The following TRHDE variants were observed in gnomAD, a reference collection of about 807,000 sequenced individuals.
The protein encoded by TRHDE is thyrotropin-releasing hormone-degrading ectoenzyme.
A neutral mutation model predicts 125.7 loss-of-function variants in TRHDE; 72 were observed. The ratio of observed to expected loss-of-function variants is 0.57; its 90% confidence interval spans 0.47 to 0.70. The LOEUF (loss-of-function observed/expected upper bound fraction) is 0.70. Among genes scored for constraint, TRHDE ranks in the 30% least tolerant of loss-of-function variants. The probability of loss-of-function intolerance (pLI) is 0.00; values close to 1 mark genes in which losing one functional copy is unlikely to be tolerated. For missense variants in TRHDE, 1,110 were observed against 1,327.1 expected (o/e 0.84, Z 2.54); for synonymous variants, 509 against 509.1 (o/e 1.00, Z 0.00).
intron 2 of TRHDE, among the ~76,000 whole-genome samples, chr12:72,259,153 A>C (rs1878888103): frequency 1.3e-5 from 2 of 152,120 alleles, no homozygotes; most frequent in African/African-American, 2.4e-5. Flanking sequence ...ATTACTTGGC[A>C]TTCTAATTTA....
chr12:72,261,318 G>A (rs560023073), intron 2 of TRHDE, among the ~76,000 whole-genome samples: 1 of 152,208 alleles, frequency 6.6e-6, no homozygotes, highest in East Asian at 1.9e-4. Context: ...TTTTAGACTA[G>A]CTTTTGAGTA....
At chr12:72,473,026 GATTTT>G (rs748505022) in intron 4 of TRHDE, 36 bp from the exon 5 acceptor site, 7 of 1,427,460 alleles carry the variant, frequency 4.9e-6, no homozygotes, top group Non-Finnish European at 3.0e-6. Flanking sequence ...TTTGGGGATA[GATTTT>G]ATTTTATTTG....
upstream of TRHDE, chr12:72,271,888 T>G (rs1276480498): frequency 2.2e-6 from 1 of 456,352 alleles, no homozygotes; most frequent in Admixed American, 2.3e-5. Flanking sequence ...AGAGCAAGAC[T>G]GGAATGAGGG....
intron 12 of TRHDE, among the ~76,000 whole-genome samples, chr12:72,576,826 GACA>G (rs981840765): frequency 6.6e-6 from 1 of 152,038 alleles, no homozygotes; most frequent in Non-Finnish European, 1.5e-5. Flanking sequence ...CAAATCTAAG[GACA>G]ACTTATCAAC....
intron 2 of TRHDE, among the ~76,000 whole-genome samples, chr12:72,174,912 A>G (rs948684269): frequency 6.6e-6 from 1 of 152,228 alleles, no homozygotes; most frequent in Non-Finnish European, 1.5e-5. Flanking sequence ...CAAAGTAAAT[A>G]TCTTGTTTTA....
chr12:72,412,774 T>C (rs1873565956), intron 3 of TRHDE, among the ~76,000 whole-genome samples: 1 of 152,124 alleles, frequency 6.6e-6, no homozygotes, highest in South Asian at 2.1e-4. Context: ...TTTGAGCAGA[T>C]GTTGAAATTC....
chr12:72,623,708 T>C (rs745817203), intron 15 of TRHDE, among the ~76,000 whole-genome samples: 6 of 151,968 alleles, frequency 3.9e-5, no homozygotes, highest in Admixed American at 6.6e-5. Context: ...ATAAGTAAGA[T>C]TTAAGTGGAT....
chr12:72,253,294 A>G lies in TRHDE; in HGVS notation n.280-124701A>G, dbSNP rs1592501002. Reference sequence around the variant, plus strand: ...CCATGGGTTTACTAAATAGACAATCATGTCATCTGCACACAGGGACTATTT... The same window carrying G: ...CCATGGGTTTACTAAATAGACAATCGTGTCATCTGCACACAGGGACTATTT... On this transcript the variant is annotated intron_variant and non_coding_transcript_variant, in intron 2 of 4. Coordinates refer to the TRHDE transcript ENST00000548156. Among the ~76,000 whole-genome samples the G allele has an allele frequency of 2.0e-5, 3 of 152,230 alleles. No individual in the cohort carries two copies. The East Asian group carries it at 5.8e-4, about 29-fold the overall frequency.
chr12:72,199,701 C>T (rs1877517308), intron 2 of TRHDE, among the ~76,000 whole-genome samples: 1 of 152,148 alleles, frequency 6.6e-6, no homozygotes, highest in Admixed American at 6.5e-5. Context: ...GCCACTCCAG[C>T]AACTGAGATA....
intron 3 of TRHDE, among the ~76,000 whole-genome samples, chr12:72,446,933 G>A (rs1017949018): frequency 2.6e-5 from 4 of 151,792 alleles, no homozygotes; most frequent in East Asian, 1.9e-4. Context: ...TTTAACACCC[G>A]ACTGTCAACA....
chr12:72,197,340 A>G (rs1276251965), intron 2 of TRHDE, among the ~76,000 whole-genome samples: 2 of 152,060 alleles, frequency 1.3e-5, no homozygotes, highest in Non-Finnish European at 2.9e-5. Context: ...TAGCACCCAC[A>G]TTGCCATCCA....
intron 3 of TRHDE, among the ~76,000 whole-genome samples, chr12:72,457,253 A>C (rs1456491445): frequency 2.6e-5 from 4 of 152,178 alleles, no homozygotes; most frequent in Non-Finnish European, 4.4e-5. Flanking sequence ...AGTTCCCTTA[A>C]AGGCAAATTA....
rs182914785 is a variant in TRHDE at position 72,572,912 on chromosome 12, T to C, written c.2132-2343T>C. On this transcript the variant is annotated intron_variant, in intron 10 of 18. Coordinates refer to ENST00000261180, the MANE Select transcript of TRHDE (RefSeq NM_013381.3). ...AATAACTTTAAAAATATAGTTACTG[T>C]TACAGGAATGCATGACCATTTCAAA... is the stretch of plus-strand genomic sequence containing the variant. Among the ~76,000 whole-genome samples the C allele has an allele frequency of 2.5e-4, 38 of 152,142 alleles. 1 individual carries two copies. In the East Asian group the frequency reaches 7.1e-3, roughly 29 times the overall value.
rs776193944 is a variant in TRHDE at position 72,194,507 on chromosome 12, AT to A, written n.279+88756del. ...GCTGAGGTTTGGGGTACTGAGCATG[AT>A]ACCCAATAGTTTTTCAAATCTTTCC... On this transcript the variant is annotated intron_variant and non_coding_transcript_variant, in intron 2 of 4. Coordinates refer to the TRHDE transcript ENST00000548156. 1.5e-3 allele frequency among the ~76,000 whole-genome samples: 226 copies of A among 152,158 alleles called. 1 individual carries two copies. Among genetic ancestry groups the A allele is most frequent in the Non-Finnish European group, 2.8e-3 (192 of 67,972 alleles).
chr12:72,650,913 C>T (rs921747016), intron 15 of TRHDE, among the ~76,000 whole-genome samples: 1 of 151,976 alleles, frequency 6.6e-6, no homozygotes, highest in Non-Finnish European at 1.5e-5. Flanking sequence ...TCAGGGATGC[C>T]CTGTGTCAAG....
In TRHDE at chr12:72,670,127, A is replaced by G. The variant is rs1875213511; in HGVS notation, c.*6932A>G. Reference sequence around the variant, plus strand: ...TTTCCTAAATCCATTCCCCAAGTGAACAGGCTTATTTAAAATATGTCATAT... The same window carrying G: ...TTTCCTAAATCCATTCCCCAAGTGAGCAGGCTTATTTAAAATATGTCATAT... On this transcript the variant is annotated 3_prime_UTR_variant, in exon 19 of 19. Transcript: ENST00000261180. The G allele has an allele frequency of 6.6e-6, 1 of 151,782 alleles. No individual in the cohort carries two copies. The highest frequency in any genetic ancestry group is 6.6e-5 in the Admixed American group (1 of 15,162). The allele number at this position is 151,782 out of a possible 1,614,324, so 9.4% of individuals were successfully genotyped here.
At chr12:72,419,546 A>G (rs899529556) in intron 3 of TRHDE, among the ~76,000 whole-genome samples, 1 of 152,100 alleles carries the variant, frequency 6.6e-6, no homozygotes, top group Non-Finnish European at 1.5e-5. Context: ...AGTGTGCCAT[A>G]CACTTTTAAA....
intron 15 of TRHDE, among the ~76,000 whole-genome samples, chr12:72,637,660 TAC>T (rs1370540390): frequency 1.3e-5 from 2 of 152,316 alleles, no homozygotes; most frequent in East Asian, 1.9e-4. Flanking sequence ...AATTTGCCTC[TAC>T]ACACTGCTTT....
chr12:72,209,680 C>T (rs1877736053), intron 2 of TRHDE, among the ~76,000 whole-genome samples: 1 of 152,160 alleles, frequency 6.6e-6, no homozygotes, highest in South Asian at 2.1e-4. Flanking sequence ...TAGGGGTAAA[C>T]ATGTTTATTC....
Sources: gnomAD v4.1 joint callset for allele counts (sites outside exome capture counted in the v4.1 genomes callset) on GRCh38, gnomAD v4.1.1 for gene constraint, MANE v1.5 for transcripts, NCBI Gene and HGNC (gene_info 2026-07-23, HGNC 2026-07-21) for gene names.